The following SLC25A21 variants were observed in gnomAD, a reference collection of about 807,000 sequenced individuals.
The protein encoded by SLC25A21 is mitochondrial 2-oxodicarboxylate carrier.
Under a neutral mutation model 43.8 loss-of-function variants are expected in SLC25A21, and 47 were observed. The observed-to-expected ratio is 1.07, with a 90% CI of 0.85 to 1.37. The LOEUF (loss-of-function observed/expected upper bound fraction) is 1.37, where lower values mean the gene tolerates loss of function less well. SLC25A21 is among the 40% of genes most tolerant of loss of function. The pLI, the probability that SLC25A21 is intolerant of heterozygous loss-of-function variation, is 0.00. For missense variants in SLC25A21, 352 were observed against 350.2 expected (o/e 1.00, Z -0.04); for synonymous variants, 131 against 121.3 (o/e 1.08, Z -0.52).
intron 1 of SLC25A21, among the ~76,000 whole-genome samples, chr14:36,891,902 C>A (rs1476008433): frequency 6.6e-6 from 1 of 152,092 alleles, no homozygotes; most frequent in Non-Finnish European, 1.5e-5. Context: ...ACATAGCGAC[C>A]ATGAAGAACA....
chr14:37,017,545 A>G (rs1360762178), intron 1 of SLC25A21, among the ~76,000 whole-genome samples: 1 of 152,088 alleles, frequency 6.6e-6, no homozygotes, highest in Admixed American at 6.6e-5. Context: ...AATGTGACAC[A>G]GAGACTCCAA....
intron 1 of SLC25A21, among the ~76,000 whole-genome samples, chr14:37,067,536 C>G (rs1474079434): frequency 6.6e-6 from 1 of 151,876 alleles, no homozygotes; most frequent in Non-Finnish European, 1.5e-5. Context: ...AAAATGGATT[C>G]CAAAAGGATA....
At chr14:36,828,142 G>A (rs1448988000) in intron 2 of SLC25A21, among the ~76,000 whole-genome samples, 1 of 151,148 alleles carries the variant, frequency 6.6e-6, no homozygotes. Context: ...TTCTGGAACT[G>A]GGACTGAGGC....
chr14:37,056,572 C>T (rs984792122), intron 1 of SLC25A21, among the ~76,000 whole-genome samples: 7 of 151,790 alleles, frequency 4.6e-5, no homozygotes, highest in Non-Finnish European at 1.0e-4. Flanking sequence ...CAGACACACA[C>T]ATCTCCATAT....
rs1002615515 is a variant in SLC25A21 at position 36,679,116 on chromosome 14, G to A, written c.*1542C>T. 2.0e-6 allele frequency: 2 copies of A among 985,358 alleles called. No homozygotes were observed. The highest frequency in any genetic ancestry group is 2.4e-6 in the Non-Finnish European group (2 of 829,920). 61.0% of individuals were successfully genotyped at this position (985,358 alleles called of 1,614,324 possible). ...CCTCTATGCAGGCAGCGCTCTCATTGGATGTAAGAATATTACCTGCAAGGA... is the reference window on the plus strand; with the variant it reads ...CCTCTATGCAGGCAGCGCTCTCATTAGATGTAAGAATATTACCTGCAAGGA... On this transcript the variant is annotated 3_prime_UTR_variant, in exon 10 of 10. Transcript: ENST00000331299.
chr14:37,063,851 A>G (rs1490097315), intron 1 of SLC25A21, among the ~76,000 whole-genome samples: 2 of 152,200 alleles, frequency 1.3e-5, no homozygotes, highest in East Asian at 3.9e-4. Flanking sequence ...AAATGATCCC[A>G]CATAACAATT....
intron 1 of SLC25A21, among the ~76,000 whole-genome samples, chr14:36,924,533 G>A (rs1892075669): frequency 6.6e-6 from 1 of 152,014 alleles, no homozygotes; most frequent in Admixed American, 6.6e-5. Flanking sequence ...TTGTGGGGTG[G>A]GGAGAGGGGG....
At position 37,130,101 on chromosome 14, in the gene SLC25A21, A is replaced by AAC. The variant is rs1049631899; in HGVS notation, c.70+42179_70+42180insGT. ...CCCTGTCTCTACAAAAAAAAAAAAA[A>AAC]AACAACTTTAAATTATCCAGGCATG... On this transcript the variant is annotated intron_variant, in intron 1 of 9. Coordinates refer to ENST00000331299, the MANE Select transcript of SLC25A21 (RefSeq NM_030631.4). 7.3e-5 allele frequency among the ~76,000 whole-genome samples: 11 copies of AAC among 150,966 alleles called. 1 individual carries two copies. In the East Asian group the frequency reaches 2.1e-3, roughly 29 times the overall value.
chr14:36,729,639 C>A, intron 4 of SLC25A21, 73 bp from the exon 5 acceptor site: 2 of 1,268,364 alleles, frequency 1.6e-6, no homozygotes, highest in Non-Finnish European at 2.2e-6. Context: ...ACTCAAATTT[C>A]TTTGGTAAAT....
intron 2 of SLC25A21, among the ~76,000 whole-genome samples, chr14:36,874,328 G>A (rs112592773): frequency 3.1e-3 from 477 of 152,302 alleles, no homozygotes; most frequent in African/African-American, 0.01. Context: ...TGAAAAAATA[G>A]AAAGTTCAGT....
intron 1 of SLC25A21, among the ~76,000 whole-genome samples, chr14:36,999,303 T>C (rs1219043839): frequency 1.3e-5 from 2 of 152,198 alleles, no homozygotes; most frequent in Non-Finnish European, 2.9e-5. Context: ...TACATGGTTC[T>C]AATCATATAG....
At chr14:36,930,814 T>C (rs1331094739) in intron 1 of SLC25A21, among the ~76,000 whole-genome samples, 1 of 152,124 alleles carries the variant, frequency 6.6e-6, no homozygotes, top group Non-Finnish European at 1.5e-5. Context: ...ATCCCCTGCC[T>C]CACTCCTCCC....
At chr14:36,710,132 C>T (rs1384854856) in intron 7 of SLC25A21, among the ~76,000 whole-genome samples, 1 of 152,150 alleles carries the variant, frequency 6.6e-6, no homozygotes, top group African/African-American at 2.4e-5. Flanking sequence ...TGCCTGTAAT[C>T]CTGGCACTTT....
At chr14:37,165,276 C>T (rs1964012462) in intron 1 of SLC25A21, among the ~76,000 whole-genome samples, 1 of 152,028 alleles carries the variant, frequency 6.6e-6, no homozygotes, top group African/African-American at 2.4e-5. Flanking sequence ...ACTCAGAAGG[C>T]TGAGGCAAAA....
chr14:36,950,975 A>G (rs187633870), intron 1 of SLC25A21, among the ~76,000 whole-genome samples: 1 of 152,194 alleles, frequency 6.6e-6, no homozygotes, highest in African/African-American at 2.4e-5. Flanking sequence ...CAGGAGCTCA[A>G]GGCTCTACAC....
At chr14:36,810,440 T>C (rs1288803694) in intron 3 of SLC25A21, among the ~76,000 whole-genome samples, 1 of 152,164 alleles carries the variant, frequency 6.6e-6, no homozygotes, top group Non-Finnish European at 1.5e-5. Flanking sequence ...GATACTTTCA[T>C]TGGCTATGTA....
chr14:36,692,627 A>C (rs912443885), intron 7 of SLC25A21, among the ~76,000 whole-genome samples: 5 of 152,170 alleles, frequency 3.3e-5, no homozygotes, highest in African/African-American at 1.2e-4. Context: ...GGTCTTTAAG[A>C]AGGCATTTCA....
intron 1 of SLC25A21, among the ~76,000 whole-genome samples, chr14:36,944,904 T>C (rs960078249): frequency 6.6e-6 from 1 of 152,182 alleles, no homozygotes; most frequent in African/African-American, 2.4e-5. Context: ...ATTTTCAAAC[T>C]GAAATATATG....
chr14:36,917,350 A>T (rs953241737), intron 1 of SLC25A21, among the ~76,000 whole-genome samples: 5 of 152,122 alleles, frequency 3.3e-5, no homozygotes, highest in Non-Finnish European at 7.4e-5. Context: ...TCTGGACAAC[A>T]GGGTTGAAAT....
Sources: gnomAD v4.1 joint callset for allele counts (sites outside exome capture counted in the v4.1 genomes callset) on GRCh38, gnomAD v4.1.1 for gene constraint, MANE v1.5 for transcripts, NCBI Gene and HGNC (gene_info 2026-07-23, HGNC 2026-07-21) for gene names.